The following PYGL variants were observed in gnomAD, a reference collection of about 807,000 sequenced individuals.
PYGL encodes the protein glycogen phosphorylase L, also known as glycogen phosphorylase, liver form.
PYGL carries 90 observed loss-of-function variants against 100.1 expected under a neutral mutation model. That is an observed-to-expected ratio of 0.90 (90% confidence interval 0.76 to 1.07). The LOEUF is 1.07. Among genes scored for constraint, PYGL ranks in the 50% least tolerant of loss-of-function variants. The pLI, the probability that PYGL is intolerant of heterozygous loss-of-function variation, is 0.00. For synonymous variants in PYGL, 373 were observed against 393.0 expected, an observed-to-expected ratio of 0.95 and a Z score of 0.60; for missense variants, 1,016 against 1,057.6, an observed-to-expected ratio of 0.96 and a Z score of 0.55.
chr14:50,922,073 T>C (rs1270586561), intron 5 of PYGL, among the ~76,000 whole-genome samples: 5 of 152,330 alleles, frequency 3.3e-5, no homozygotes, highest in African/African-American at 1.2e-4. Context: ...TGTTTCACAG[T>C]GCATCGAAAA....
chr14:50,915,503 G>T lies in PYGL; in HGVS notation c.1240-4C>A. 6.2e-7 allele frequency: 1 copy of T among 1,614,166 alleles called. No individual in the cohort carries two copies. Among genetic ancestry groups the T allele is most frequent in the African/African-American group, 1.3e-5 (1 of 75,052 alleles). On this transcript the variant is annotated splice_region_variant and splice_polypyrimidine_tract_variant and intron_variant, in intron 10 of 19. Transcript: ENST00000216392. ...TAGGAAACAAGGCCACAATTCTCTA[G>T]CCAAAGGAAGAGAAAGCCCTTGCTG...
At position 50,905,463 on chromosome 14, in the gene PYGL, T is replaced by C. The variant is rs1420162899; in HGVS notation, c.2473A>G (p.Ile825Val). 6.2e-7 allele frequency: 1 copy of C among 1,613,876 alleles called. No individual in the cohort carries two copies. Among genetic ancestry groups the C allele is most frequent in the South Asian group, 1.1e-5 (1 of 91,072 alleles). Residue 825 changes from isoleucine to valine, a missense_variant, in exon 20 of 20, where the codon ATC becomes GTC. Coordinates refer to ENST00000216392, the MANE Select transcript of PYGL (RefSeq NM_002863.5). ...AGATCTGAAGGTTCCACGTTCCAGA[T>C]GTTTTGGGCATATTCTTTAATTGTT... ...DRTIKEYAQN[I>V]WNVEPSDLKI...
intron 12 of PYGL, among the ~76,000 whole-genome samples, chr14:50,913,590 G>A (rs2050419753): frequency 1.3e-5 from 2 of 151,978 alleles, no homozygotes; most frequent in South Asian, 4.2e-4. Flanking sequence ...TAGCCAGAAT[G>A]GTCTCGATCT....
At chr14:50,940,960 C>T (rs183351967) in intron 1 of PYGL, among the ~76,000 whole-genome samples, 14 of 152,212 alleles carry the variant, frequency 9.2e-5, no homozygotes, top group Admixed American at 5.9e-4. Context: ...GCAAGTGAAT[C>T]GGGGGCCCAG....
At position 50,912,052 on chromosome 14, in the gene PYGL, A is replaced by G; in HGVS notation, c.1769-16T>C. 1 of 1,613,598 alleles carries G rather than the reference A, an allele frequency of 6.2e-7. No homozygotes were observed. The highest frequency in any genetic ancestry group is 8.5e-7 in the Non-Finnish European group (1 of 1,179,522). ...TTCTTAATGCCTGAAAAAGATGGAGAAGTGGATGAAATGGAAGACAGCTGA... is the reference window on the plus strand; with the variant it reads ...TTCTTAATGCCTGAAAAAGATGGAGGAGTGGATGAAATGGAAGACAGCTGA... On this transcript the variant is annotated splice_polypyrimidine_tract_variant and intron_variant, in intron 14 of 19. Transcript: ENST00000216392.
intron 11 of PYGL, 100 bp downstream of exon 11, chr14:50,915,236 A>G (rs770784013): frequency 2.1e-5 from 29 of 1,395,498 alleles, no homozygotes; most frequent in Non-Finnish European, 2.1e-5. Flanking sequence ...AAACATTTGA[A>G]CAAGGCCTTT....
At position 50,911,804 on chromosome 14, in the gene PYGL, T is replaced by A. The variant is rs113993983; in HGVS notation, c.1895A>T (p.Asn632Ile). ...KLITSVADVV[N>I]NDPMVGSKLK... is the part of the protein sequence containing the mutation. Reference sequence around the variant, plus strand: ...CTTGCTTCCAACCATAGGGTCATTGTTCACCACATCTGCCACTGAAGTGAT... The same window carrying A: ...CTTGCTTCCAACCATAGGGTCATTGATCACCACATCTGCCACTGAAGTGAT... The change falls in exon 16 of 20, where the codon AAC becomes ATC. Residue 632 changes from asparagine (N) to isoleucine (I), a missense_variant. Transcript: ENST00000216392. The A allele has an allele frequency of 1.2e-6, 2 of 1,614,198 alleles. No individual in the cohort carries two copies. The highest frequency in any genetic ancestry group is 1.7e-6 in the Non-Finnish European group (2 of 1,180,004).
At chr14:50,907,100 C>A (rs557457844) in intron 19 of PYGL, among the ~76,000 whole-genome samples, 1 of 152,226 alleles carries the variant, frequency 6.6e-6, no homozygotes, top group Non-Finnish European at 1.5e-5. Context: ...AGATGATCAA[C>A]CTTTTTACAT....
intron 5 of PYGL, among the ~76,000 whole-genome samples, chr14:50,922,798 CA>C (rs779253902): frequency 1.2e-4 from 18 of 152,218 alleles, no homozygotes; most frequent in Non-Finnish European, 2.4e-4. Context: ...TCACAGGTGG[CA>C]CACCTGTGTC....
intron 1 of PYGL, among the ~76,000 whole-genome samples, chr14:50,939,006 A>G (rs1304882247): frequency 6.6e-6 from 1 of 152,120 alleles, no homozygotes; most frequent in Non-Finnish European, 1.5e-5. Context: ...TACTGTAAGA[A>G]ATTTTACAGT....
At position 50,910,021 on chromosome 14, in the gene PYGL, A is replaced by G. The variant is rs777189835; in HGVS notation, c.2051T>C (p.Leu684Pro). The G allele has an allele frequency of 6.2e-7, 1 of 1,614,188 alleles. No individual in the cohort carries two copies. The highest frequency in any genetic ancestry group is 1.1e-5 in the South Asian group (1 of 91,078). Residue 684 changes from leucine (L) to proline (P), a missense_variant, in exon 17 of 20, where the codon CTA (leucine) becomes CCA (proline). By Grantham distance (98) the Leu-to-Pro change is moderately conservative (BLOSUM62 -3). Coordinates refer to ENST00000216392, the MANE Select transcript of PYGL (RefSeq NM_002863.5). ...ASGTGNMKFM[L>P]NGALTIGTMD... ...GGTCCCGATAGTTAGGGCCCCATTT[A>G]GCATGAACTTCATATTGCCTGTCCC...
Position 50,908,285 on chromosome 14 carries a change from T to A in PYGL, c.2365A>T (p.Ser789Cys), listed in dbSNP as rs754042361. ...EAYVKCQDKV[S>C]QLYMNPKAWN... ...AATTTACTCACCATGTACAGCTGACTCACTTTATCTTGACACTTGACATAG... is the reference window on the plus strand; with the variant it reads ...AATTTACTCACCATGTACAGCTGACACACTTTATCTTGACACTTGACATAG... The change falls in exon 19 of 20, where the codon AGT becomes TGT. Residue 789 changes from serine to cysteine, a missense_variant. Transcript: ENST00000216392. 1.3e-6 allele frequency: 2 copies of A among 1,597,410 alleles called. No homozygotes were observed. The highest frequency in any genetic ancestry group is 1.7e-6 in the Non-Finnish European group (2 of 1,164,804).
chr14:50,928,258 A>G (rs951829295), intron 4 of PYGL, among the ~76,000 whole-genome samples: 5 of 152,192 alleles, frequency 3.3e-5, no homozygotes, highest in African/African-American at 1.2e-4. Context: ...TCGACAAAGA[A>G]CCAGTGAACA....
chr14:50,916,021 C>A, intron 9 of PYGL, 50 bp from the exon 10 acceptor site: 2 of 1,610,838 alleles, frequency 1.2e-6, no homozygotes, highest in Non-Finnish European at 1.7e-6. Context: ...GGGCACCCCA[C>A]TGCACGGGCC....
intron 4 of PYGL, 140 bp from the exon 5 acceptor site, chr14:50,924,240 C>T (rs1370959622): frequency 2.2e-6 from 2 of 918,338 alleles, no homozygotes; most frequent in Non-Finnish European, 3.3e-6. Flanking sequence ...AACTTTTTTA[C>T]AGCCTACATC....
chr14:50,905,687 A>G lies in PYGL; in HGVS notation c.2380-131T>C, dbSNP rs143383118. On this transcript the variant is annotated intron_variant, in intron 19 of 19. Transcript: ENST00000216392. ...AGGAATAAATTATAGTAAATTACAA[A>G]TATTCTTGTTTGTCTGTTGAGAGGT... 9.4e-3 allele frequency: 8,653 copies of G among 917,660 alleles called. 87 individuals carry two copies. The highest frequency in any genetic ancestry group is 0.01 in the Non-Finnish European group (5,848 of 573,280). 56.8% of individuals were successfully genotyped at this position (917,660 alleles called of 1,614,324 possible). A position where few individuals can be genotyped will look rare whatever the true frequency, so the allele number is the denominator to read the frequency against.
Position 50,944,257 on chromosome 14 carries a change from G to A in PYGL, c.147C>T (p.Thr49=), listed in dbSNP as rs139338050. ...GCGCCAGCGCGAAGTAGTAGTCGCG[G>A]GTGGTGGCCACGTTGCGGTCCTTGA... The part of the protein sequence containing the change: ...TLVKDRNVAT[T]RDYYFALAHT... Residue 49 remains threonine (T), a synonymous_variant, in exon 1 of 20, where the codon ACC becomes ACT. Coordinates refer to ENST00000216392, the MANE Select transcript of PYGL (RefSeq NM_002863.5). 6.7e-4 allele frequency: 1,076 copies of A among 1,613,872 alleles called. No homozygotes were observed. Among genetic ancestry groups the A allele is most frequent in the Non-Finnish European group, 8.6e-4 (1,020 of 1,179,916 alleles).
In PYGL at chr14:50,916,636, C is replaced by T. The variant is rs968752529; in HGVS notation, c.1092+6G>A. 2 of 1,606,928 alleles carry T rather than the reference C, an allele frequency of 1.2e-6. No homozygotes were observed. Among genetic ancestry groups the T allele is most frequent in the East Asian group, 2.2e-5 (1 of 44,842 alleles). On this transcript the variant is annotated splice_donor_region_variant and intron_variant, in intron 9 of 19. Coordinates refer to ENST00000216392, the MANE Select transcript of PYGL (RefSeq NM_002863.5). ...TTAAAGGAAAAAGAAGCCAAACTAT[C>T]CAGACCTTGGACCAGGGCAGTTTTT...
chr14:50,942,959 T>G (rs757635110), intron 1 of PYGL, among the ~76,000 whole-genome samples: 1 of 152,246 alleles, frequency 6.6e-6, no homozygotes, highest in African/African-American at 2.4e-5. Context: ...GGCCTAGGTC[T>G]TTGGGGTGAA....
Sources: gnomAD v4.1 joint callset for allele counts (sites outside exome capture counted in the v4.1 genomes callset) on GRCh38, gnomAD v4.1.1 for gene constraint, MANE v1.5 for transcripts, NCBI Gene and HGNC (gene_info 2026-07-23, HGNC 2026-07-21) for gene names.